The following EHD4 variants were observed in gnomAD, a reference collection of about 807,000 sequenced individuals.
EHD4 encodes the protein EH domain-containing protein 4.
In EHD4, 37 loss-of-function variants were observed where a neutral mutation model predicts 51.0. That is an observed-to-expected ratio of 0.73 (90% CI 0.56 to 0.95). The LOEUF (loss-of-function observed/expected upper bound fraction) is 0.95. EHD4 is among the 40% of genes least tolerant of loss of function. The pLI is 0.00. For synonymous variants in EHD4, 297 were observed against 317.3 expected, an observed-to-expected ratio of 0.94 and a Z score of 0.68; for missense variants, 632 against 733.1, an observed-to-expected ratio of 0.86 and a Z score of 1.59.
At position 41,932,947 on chromosome 15, in the gene EHD4, A is replaced by G. The variant is rs1257012049; in HGVS notation, c.511+10120T>C. Among the ~76,000 whole-genome samples, 3 of 152,188 alleles carry G rather than the reference A, an allele frequency of 2.0e-5. No individual in the cohort carries two copies. The South Asian group carries it at 6.2e-4, about 32-fold the overall frequency. ...TCTGGGACCACCCCAGTTCTATAAA[A>G]TGAATCATGACCGCCCCTATCACCA... On this transcript the variant is annotated intron_variant, in intron 3 of 5. Transcript: ENST00000220325.
intron 5 of EHD4, among the ~76,000 whole-genome samples, chr15:41,902,100 G>T (rs2067481401): frequency 6.6e-6 from 1 of 152,202 alleles, no homozygotes; most frequent in African/African-American, 2.4e-5. Flanking sequence ...AGCAGACAGA[G>T]CAGCAGAAGC....
intron 3 of EHD4, among the ~76,000 whole-genome samples, chr15:41,939,792 CAAAAAAAAA>C: frequency 1.2e-5 from 1 of 80,238 alleles, no homozygotes; most frequent in Admixed American, 1.4e-4. Flanking sequence ...GACTCCGTCT[CAAAAAAAAA>C]AAAAAAAAAA....
At chr15:41,949,051 T>TATATATATATACACAC (rs1491135423) in intron 2 of EHD4, among the ~76,000 whole-genome samples, 86 of 109,406 alleles carry the variant, frequency 7.9e-4, no homozygotes, top group Non-Finnish European at 1.2e-3. Context: ...TATATATATA[T>TATATATATATACACAC]ACACACATAC....
intron 3 of EHD4, among the ~76,000 whole-genome samples, chr15:41,922,478 G>A (rs902989830): frequency 2.6e-5 from 4 of 152,138 alleles, no homozygotes; most frequent in Non-Finnish European, 4.4e-5. Context: ...TCTTACTGTC[G>A]GTTCCGAAAG....
rs145745906 is a variant in EHD4 at position 41,931,700 on chromosome 15, G to A, written c.511+11367C>T. ...AATTTCTTTTTTTTTTTTTTGAGAC[G>A]GAGTCTAGCTCTGTCACCCAGGCTG... On this transcript the variant is annotated intron_variant, in intron 3 of 5. Transcript: ENST00000220325. Among the ~76,000 whole-genome samples, 580 of 146,868 alleles carry A rather than the reference G, an allele frequency of 3.9e-3. 5 individuals are homozygous for A. The highest frequency in any genetic ancestry group is 0.014 in the African/African-American group (549 of 39,782).
At chr15:41,940,837 A>G (rs952572823) in intron 3 of EHD4, among the ~76,000 whole-genome samples, 4 of 152,248 alleles carry the variant, frequency 2.6e-5, no homozygotes, top group Non-Finnish European at 4.4e-5. Flanking sequence ...TAAGCAAAGG[A>G]GAGACGCTGC....
intron 2 of EHD4, 64 bp from the exon 3 acceptor site, chr15:41,943,228 G>A (rs1175944811): frequency 3.0e-6 from 4 of 1,334,486 alleles, no homozygotes; most frequent in Non-Finnish European, 1.0e-6. Flanking sequence ...CAACCATGGG[G>A]CTTCTTGGCC....
In EHD4 at chr15:41,897,752, C is replaced by A. The variant is rs757579963; in HGVS notation, c.*2893G>T. The A allele has an allele frequency of 6.6e-6, 1 of 152,186 alleles. No homozygotes were observed. Among genetic ancestry groups the A allele is most frequent in the East Asian group, 1.9e-4 (1 of 5,200 alleles). 9.4% of individuals were successfully genotyped at this position (152,186 alleles called of 1,614,324 possible). A position where few individuals can be genotyped will look rare whatever the true frequency, so the allele number is the denominator to read the frequency against. ...TTCATTTTCCCTTTAAACTCAAGAC[C>A]GGAAGGTTTGTGTTATGCGATACCA... is the stretch of plus-strand genomic sequence containing the variant. On this transcript the variant is annotated 3_prime_UTR_variant, in exon 6 of 6. Transcript: ENST00000220325.
Position 41,901,772 on chromosome 15 carries a change from C to A in EHD4, c.1090-591G>T, listed in dbSNP as rs538176136. On this transcript the variant is annotated intron_variant, in intron 5 of 5. Coordinates refer to ENST00000220325, the MANE Select transcript of EHD4 (RefSeq NM_139265.4). ...TAGGACAGCTTCTTAGTGGCTCTAACCTCTTATGAATGAGCTGAGGGCGCT... is the reference window on the plus strand; with the variant it reads ...TAGGACAGCTTCTTAGTGGCTCTAAACTCTTATGAATGAGCTGAGGGCGCT... 3.0e-4 allele frequency among the ~76,000 whole-genome samples: 45 copies of A among 152,294 alleles called. No individual in the cohort carries two copies. In the South Asian group the frequency reaches 9.3e-3, roughly 32 times the overall value.
At chr15:41,938,136 T>A (rs1194019241) in intron 3 of EHD4, among the ~76,000 whole-genome samples, 1 of 152,236 alleles carries the variant, frequency 6.6e-6, no homozygotes, top group Non-Finnish European at 1.5e-5. Flanking sequence ...ACTTGTGGCA[T>A]CACGTCAAAA....
intron 2 of EHD4, among the ~76,000 whole-genome samples, chr15:41,944,761 C>T (rs1725509650): frequency 6.6e-6 from 1 of 152,128 alleles, no homozygotes; most frequent in Non-Finnish European, 1.5e-5. Flanking sequence ...CTGCAACCTA[C>T]TGTTTCTGAT....
intron 3 of EHD4, among the ~76,000 whole-genome samples, chr15:41,935,358 C>T (rs571279203): frequency 3.3e-5 from 5 of 152,130 alleles, no homozygotes; most frequent in Non-Finnish European, 7.3e-5. Context: ...AGGCACCTGG[C>T]ACCTGACACA....
chr15:41,909,717 A>G lies in EHD4; in HGVS notation c.1071T>C (p.Pro357=). ...CCAGTACCTGCATAGCCTTGACCTC[A>G]GGGAAGTCCCCTGCAGAAATCTGGT... The part of the protein sequence containing the change: ...REYQISAGDF[P]EVKAMQEQLE... The change falls in exon 5 of 6, where the codon CCT becomes CCC. Residue 357 remains proline (P), a synonymous_variant. Transcript: ENST00000220325. 6.2e-7 allele frequency: 1 copy of G among 1,614,174 alleles called. No homozygotes were observed. The highest frequency in any genetic ancestry group is 8.5e-7 in the Non-Finnish European group (1 of 1,180,018).
chr15:41,903,453 TACACACACACACACAC>T (rs146543286), intron 5 of EHD4, among the ~76,000 whole-genome samples: 2 of 144,384 alleles, frequency 1.4e-5, no homozygotes, highest in East Asian at 2.1e-4. Context: ...TTAACATACA[TACACACACACACACAC>T]ACACACACAC....
At chr15:41,972,178 G>C in intron 1 of EHD4, 81 bp downstream of exon 1, 1 of 1,247,428 alleles carries the variant, frequency 8.0e-7, no homozygotes. Context: ...GGGAGGGGCA[G>C]CGGCGGGAGG....
At chr15:41,933,192 C>T (rs1239724968) in intron 3 of EHD4, among the ~76,000 whole-genome samples, 1 of 152,170 alleles carries the variant, frequency 6.6e-6, no homozygotes, top group East Asian at 1.9e-4. Flanking sequence ...TCCCTGAAAG[C>T]CTTGTTATTT....
At chr15:41,905,877 G>A (rs1308410470) in intron 5 of EHD4, among the ~76,000 whole-genome samples, 2 of 152,198 alleles carry the variant, frequency 1.3e-5, no homozygotes, top group Non-Finnish European at 2.9e-5. Context: ...CCACTATGTT[G>A]CCCAGGTTGT....
chr15:41,942,769 A>C, intron 3 of EHD4: 1 of 279,046 alleles, frequency 3.6e-6, no homozygotes, highest in Non-Finnish European at 7.1e-6. Flanking sequence ...GCCTCTCCCA[A>C]CACCCCCGAG....
At chr15:41,926,609 C>A (rs1431573701) in intron 3 of EHD4, among the ~76,000 whole-genome samples, 2 of 152,196 alleles carry the variant, frequency 1.3e-5, no homozygotes, top group African/African-American at 4.8e-5. Context: ...CAGACGATCC[C>A]CATCCCTTCT....
Sources: gnomAD v4.1 joint callset for allele counts (sites outside exome capture counted in the v4.1 genomes callset) on GRCh38, gnomAD v4.1.1 for gene constraint, MANE v1.5 for transcripts, NCBI Gene and HGNC (gene_info 2026-07-23, HGNC 2026-07-21) for gene names.